The following DIPK2A variants were observed in gnomAD, a reference collection of about 807,000 sequenced individuals.
DIPK2A encodes Golgi Protein of 49 kDa.
In DIPK2A, 27 loss-of-function variants were observed where a neutral mutation model predicts 39.0. That is an observed-to-expected ratio of 0.69 (90% CI 0.51 to 0.96). DIPK2A has a LOEUF of 0.96. Among genes scored for constraint, DIPK2A ranks in the 40% least tolerant of loss-of-function variants. The pLI is 0.00. For missense variants in DIPK2A, 528 were observed against 571.3 expected, an observed-to-expected ratio of 0.92 and a Z score of 0.77; for synonymous variants, 298 against 240.8, an observed-to-expected ratio of 1.24 and a Z score of -2.20.
Position 143,972,109 on chromosome 3 carries a change from C to G in DIPK2A, c.-224C>G. Reference sequence around the variant, plus strand: ...GGCGGGGAGCTAGGAGGAGGGAGCTCGAGAGTTGTGGAGACTAGTGACTGG... The same window carrying G: ...GGCGGGGAGCTAGGAGGAGGGAGCTGGAGAGTTGTGGAGACTAGTGACTGG... On this transcript the variant is annotated 5_prime_UTR_variant, in exon 1 of 3. Transcript: ENST00000315691. 7.5e-6 allele frequency: 3 copies of G among 398,152 alleles called. No homozygotes were observed. Among genetic ancestry groups the G allele is most frequent in the Non-Finnish European group, 1.3e-5 (3 of 227,200 alleles). 24.7% of individuals were successfully genotyped at this position (398,152 alleles called of 1,614,324 possible). A position where few individuals can be genotyped will look rare whatever the true frequency, so the allele number is the denominator to read the frequency against.
chr3:143,972,253 G>T lies in DIPK2A; in HGVS notation c.-80G>T. On this transcript the variant is annotated 5_prime_UTR_variant, in exon 1 of 3. Coordinates refer to ENST00000315691, the MANE Select transcript of DIPK2A (RefSeq NM_173552.5). ...GCTCCTTCTCTCGCCCGGGGTTCCT[G>T]CCGGTAGCTCTCCGGGTCTTGGCGC... 7.8e-7 allele frequency: 1 copy of T among 1,276,268 alleles called. No individual in the cohort carries two copies. Among genetic ancestry groups the T allele is most frequent in the Non-Finnish European group, 1.0e-6 (1 of 994,710 alleles). The allele number at this position is 1,276,268 out of a possible 1,614,324, so 79.1% of individuals were successfully genotyped here. A position where few individuals can be genotyped will look rare whatever the true frequency, so the allele number is the denominator to read the frequency against.
chr3:143,985,783 G>A lies in DIPK2A; in HGVS notation c.898G>A (p.Gly300Arg), dbSNP rs759291998. 1 of 1,614,054 alleles carries A rather than the reference G, an allele frequency of 6.2e-7. No homozygotes were observed. Among genetic ancestry groups the A allele is most frequent in the Non-Finnish European group, 8.5e-7 (1 of 1,179,954 alleles). ...FDNFAVGPRD[G>R]KVIIVDAENV... is the part of the protein sequence containing the mutation. The stretch of plus-strand genomic sequence containing the variant: ...CAATTTTGCAGTTGGTCCTAGAGAT[G>A]GGAAGGTAATCATTGTGGATGCTGA... The change falls in exon 2 of 3, where the codon GGG becomes AGG. Residue 300 changes from glycine (G) to arginine (R), a missense_variant. Transcript: ENST00000315691.
intron 1 of DIPK2A, among the ~76,000 whole-genome samples, chr3:143,977,899 A>G (rs2087753355): frequency 6.6e-6 from 1 of 152,158 alleles, no homozygotes; most frequent in Admixed American, 6.5e-5. Flanking sequence ...GCATCACTTC[A>G]GAATCAGTAG....
chr3:143,980,537 G>C (rs1165700636), intron 1 of DIPK2A, among the ~76,000 whole-genome samples: 1 of 152,124 alleles, frequency 6.6e-6, no homozygotes. Flanking sequence ...AAAGTGCTGG[G>C]ATTATAGGTG....
rs2087992375 is a variant in DIPK2A, at chr3:143,991,784, A to G, written c.*1943A>G. On this transcript the variant is annotated 3_prime_UTR_variant, in exon 3 of 3. Transcript: ENST00000315691. ...ACTCAAAACTTCAAATAAAATACAC[A>G]TTTTCAAGAGGGAGCACCTTTTATA... The G allele has an allele frequency of 6.6e-6, 1 of 152,182 alleles. No individual in the cohort carries two copies. The highest frequency in any genetic ancestry group is 6.5e-5 in the Admixed American group (1 of 15,274). The allele number at this position is 152,182 out of a possible 1,614,324, so 9.4% of individuals were successfully genotyped here.
chr3:143,977,499 T>C (rs570648891), intron 1 of DIPK2A, among the ~76,000 whole-genome samples: 14 of 152,158 alleles, frequency 9.2e-5, no homozygotes, highest in Non-Finnish European at 1.8e-4. Context: ...AGGGGAAATA[T>C]GTGGAGTTAA....
intron 2 of DIPK2A, among the ~76,000 whole-genome samples, chr3:143,988,850 G>A (rs1413452236): frequency 6.6e-6 from 1 of 152,050 alleles, no homozygotes; most frequent in Non-Finnish European, 1.5e-5. Flanking sequence ...CTCCAATCTA[G>A]CTTTTCATTC....
intron 2 of DIPK2A, 106 bp from the exon 3 acceptor site, chr3:143,989,403 TA>T: frequency 2.9e-6 from 2 of 685,242 alleles, no homozygotes; most frequent in Non-Finnish European, 4.8e-6. Flanking sequence ...TACTTTTACC[TA>T]AAAGTGTAGA....
At position 143,989,415 on chromosome 3, in the gene DIPK2A, AC is replaced by A. The variant is rs994315068; in HGVS notation, c.962-94del. ...ATATACTTTTACCTAAAAGTGTAGA[AC>A]AAATACTATTAATTAGTGAAATATT... is the stretch of plus-strand genomic sequence containing the variant. On this transcript the variant is annotated intron_variant, in intron 2 of 2. Coordinates refer to ENST00000315691, the MANE Select transcript of DIPK2A (RefSeq NM_173552.5). 9.7e-6 allele frequency: 7 copies of A among 725,206 alleles called. No individual in the cohort carries two copies. In the African/African-American group the frequency reaches 1.1e-4, roughly 11 times the overall value. The allele number at this position is 725,206 out of a possible 1,614,324, so 44.9% of individuals were successfully genotyped here.
At chr3:143,985,035 G>A (rs2107846375) in intron 1 of DIPK2A, among the ~76,000 whole-genome samples, 1 of 152,230 alleles carries the variant, frequency 6.6e-6, no homozygotes, top group East Asian at 1.9e-4. Flanking sequence ...ATAATTATTT[G>A]TTTGGTGACT....
chr3:143,983,137 T>C (rs2087848779), intron 1 of DIPK2A, among the ~76,000 whole-genome samples: 2 of 152,160 alleles, frequency 1.3e-5, no homozygotes, highest in Non-Finnish European at 2.9e-5. Flanking sequence ...TGGGAGACTT[T>C]AACACCCCAT....
rs1189730414 is a variant in DIPK2A at position 143,989,702 on chromosome 3, C to T, written c.1154C>T (p.Pro385Leu). ...ACTTCTGGAGGACTCCTTCATGATC[C>T]ACCAAGTGAAATTGCCAAAGATGGC... is the stretch of plus-strand genomic sequence containing the variant. ...RGTSGGLLHD[P>L]PSEIAKDGRL... Residue 385 changes from proline (P) to leucine (L), a missense_variant, in exon 3 of 3, where the codon CCA (proline) becomes CTA (leucine). Transcript: ENST00000315691. 1.2e-6 allele frequency: 2 copies of T among 1,614,248 alleles called. No homozygotes were observed. Among genetic ancestry groups the T allele is most frequent in the African/African-American group, 2.7e-5 (2 of 75,060 alleles).
chr3:143,989,475 A>T (rs764143270), intron 2 of DIPK2A, 35 bp from the exon 3 acceptor site: 221 of 1,458,832 alleles, frequency 1.5e-4, no homozygotes, highest in Non-Finnish European at 1.8e-4. Context: ...TATTTAAAAA[A>T]TTTTTTTCTA....
chr3:143,990,930 G>A lies in DIPK2A; in HGVS notation c.*1089G>A, dbSNP rs539870001. ...AAGTTATCCTACCTTTTATTCATGG[G>A]TAGTTTTGCAAAATTAACATGGTAG... On this transcript the variant is annotated 3_prime_UTR_variant, in exon 3 of 3. Coordinates refer to ENST00000315691, the MANE Select transcript of DIPK2A (RefSeq NM_173552.5). The A allele has an allele frequency of 9.2e-5, 14 of 152,462 alleles. No individual in the cohort carries two copies. Among genetic ancestry groups the A allele is most frequent in the African/African-American group, 3.1e-4 (13 of 41,526 alleles). 9.4% of individuals were successfully genotyped at this position (152,462 alleles called of 1,614,324 possible). A position where few individuals can be genotyped will look rare whatever the true frequency, so the allele number is the denominator to read the frequency against.
intron 1 of DIPK2A, among the ~76,000 whole-genome samples, chr3:143,975,969 G>T (rs1023983333): frequency 6.6e-6 from 1 of 151,896 alleles, no homozygotes; most frequent in African/African-American, 2.4e-5. Context: ...AAATACTTAC[G>T]AATTTAATCC....
rs1258892061 is a variant in DIPK2A, at chr3:143,978,667, T to G, written c.657+5678T>G. 4 of 42,666 alleles carry G rather than the reference T, an allele frequency of 9.4e-5. No individual in the cohort carries two copies. In the East Asian group the frequency reaches 3.1e-3, roughly 33 times the overall value. 2.6% of individuals were successfully genotyped at this position (42,666 alleles called of 1,614,324 possible). A position where few individuals can be genotyped will look rare whatever the true frequency, so the allele number is the denominator to read the frequency against. ...ATATATATATATATATATCTATATA[T>G]AGATATATATATATCTATATATATA... On this transcript the variant is annotated intron_variant, in intron 1 of 2. Coordinates refer to ENST00000315691, the MANE Select transcript of DIPK2A (RefSeq NM_173552.5).
At position 143,972,030 on chromosome 3, in the gene DIPK2A, C is replaced by G. The variant is rs1407909150; in HGVS notation, c.-303C>G. On this transcript the variant is annotated 5_prime_UTR_variant, in exon 1 of 3. Coordinates refer to ENST00000315691, the MANE Select transcript of DIPK2A (RefSeq NM_173552.5). Reference sequence around the variant, plus strand: ...CGTCGGGTCCCCGCGCTCCCTCCCCCTCCCGCTCCTCTATAACTTGGCTGG... The same window carrying G: ...CGTCGGGTCCCCGCGCTCCCTCCCCGTCCCGCTCCTCTATAACTTGGCTGG... 8.9e-6 allele frequency: 3 copies of G among 335,942 alleles called. No individual in the cohort carries two copies. Among genetic ancestry groups the G allele is most frequent in the South Asian group, 3.0e-4 (2 of 6,598 alleles). The allele number at this position is 335,942 out of a possible 1,614,324, so 20.8% of individuals were successfully genotyped here. A position where few individuals can be genotyped will look rare whatever the true frequency, so the allele number is the denominator to read the frequency against.
chr3:143,985,504 A>C (rs773607558), intron 1 of DIPK2A, 39 bp from the exon 2 acceptor site: 1 of 1,551,576 alleles, frequency 6.4e-7, no homozygotes, highest in African/African-American at 1.4e-5. Context: ...GGATATTTTC[A>C]TCAGAATCTC....
chr3:143,984,010 G>A (rs1368104726), intron 1 of DIPK2A, among the ~76,000 whole-genome samples: 5 of 152,126 alleles, frequency 3.3e-5, no homozygotes, highest in Admixed American at 2.6e-4. Context: ...TTCTCCTTGC[G>A]CTTTTATCTT....
Sources: gnomAD v4.1 joint callset for allele counts (sites outside exome capture counted in the v4.1 genomes callset) on GRCh38, gnomAD v4.1.1 for gene constraint, MANE v1.5 for transcripts, NCBI Gene and HGNC (gene_info 2026-07-23, HGNC 2026-07-21) for gene names.